Variants in KCNQ1 observed in about 807,000 individuals in gnomAD.
KCNQ1 encodes potassium voltage-gated channel subfamily KQT member 1.
A neutral mutation model predicts 72.4 loss-of-function variants in KCNQ1; 49 were observed. That is an observed-to-expected ratio of 0.68 (90% CI 0.54 to 0.86). The LOEUF (loss-of-function observed/expected upper bound fraction) is 0.86. KCNQ1 is among the 40% of genes least tolerant of loss of function. The pLI, the probability that KCNQ1 is intolerant of heterozygous loss-of-function variation, is 0.00. For missense variants in KCNQ1, 790 were observed against 945.1 expected (o/e 0.84, Z 2.15); for synonymous variants, 450 against 412.6 (o/e 1.09, Z -1.10).
intron 15 of KCNQ1, among the ~76,000 whole-genome samples, chr11:2,819,713 C>A (rs1016930893): frequency 6.6e-6 from 1 of 152,116 alleles, no homozygotes; most frequent in Non-Finnish European, 1.5e-5. Context: ...ATGTCGTCTG[C>A]TTTTTTAGGT....
chr11:2,625,736 AT>A (rs1184655235), intron 10 of KCNQ1: 185 of 397,308 alleles, frequency 4.7e-4, no homozygotes, highest in African/African-American at 3.6e-3. Context: ...CGCCTGGCTA[AT>A]TTTTTGTATT....
intron 15 of KCNQ1, among the ~76,000 whole-genome samples, chr11:2,838,555 G>A (rs758135612): frequency 5.3e-5 from 8 of 152,276 alleles, no homozygotes; most frequent in East Asian, 1.9e-4. Context: ...GTGGACTTCC[G>A]GGGACAGCGA....
rs1262301120 is a variant in KCNQ1 at position 2,499,523 on chromosome 11, CCTG to C, written c.387-28403_387-28401del. Among the ~76,000 whole-genome samples the C allele has an allele frequency of 5.4e-3, 747 of 138,114 alleles. 13 individuals are homozygous for C. Among genetic ancestry groups the C allele is most frequent in the African/African-American group, 0.018 (709 of 39,024 alleles). The allele number at this position is 138,114 out of a possible 152,430, so 90.6% of individuals were successfully genotyped here. On this transcript the variant is annotated intron_variant, in intron 1 of 15. Coordinates refer to ENST00000155840, the MANE Select transcript of KCNQ1 (RefSeq NM_000218.3). ...AAAAGACAGAGTGGTTGAATGGACCCCTGCCCCCACAAAAAAAGACCCAATTAT... is the reference window on the plus strand; with the variant it reads ...AAAAGACAGAGTGGTTGAATGGACCCCCCCCACAAAAAAAGACCCAATTAT...
chr11:2,620,980 T>G lies in KCNQ1; in HGVS notation c.1393+32126T>G, dbSNP rs1564836199. ...TTTGTCTGTTTTTTGCTTTTTTGTT[T>G]GTTTGTTTGTTTTTTGAGAAAGAGT... On this transcript the variant is annotated intron_variant, in intron 10 of 15. Coordinates refer to ENST00000155840, the MANE Select transcript of KCNQ1 (RefSeq NM_000218.3). The surrounding 1 kb of genome is among the most constrained non-coding windows in gnomAD (Gnocchi z 4.5). 2 of 397,896 alleles carry G rather than the reference T, an allele frequency of 5.0e-6. No homozygotes were observed. Among genetic ancestry groups the G allele is most frequent in the Non-Finnish European group, 4.4e-6 (1 of 226,024 alleles). 24.6% of individuals were successfully genotyped at this position (397,896 alleles called of 1,614,324 possible).
At position 2,764,148 on chromosome 11, in the gene KCNQ1, T is replaced by A. The variant is rs1055677524; in HGVS notation, c.1515-4696T>A. ...GAGGAAAGCGTATCACATTTCACTA[T>A]TAAGTATGATGTCTGCTTAGGGTTT... is the stretch of plus-strand genomic sequence containing the variant. On this transcript the variant is annotated intron_variant, in intron 11 of 15. Transcript: ENST00000155840. The surrounding 1 kb of genome is among the most constrained non-coding windows in gnomAD (Gnocchi z 4.8). Among the ~76,000 whole-genome samples the A allele has an allele frequency of 1.3e-5, 2 of 152,178 alleles. No individual in the cohort carries two copies. Among genetic ancestry groups the A allele is most frequent in the African/African-American group, 4.8e-5 (2 of 41,444 alleles).
chr11:2,583,166 C>T (rs1848529335), intron 6 of KCNQ1, among the ~76,000 whole-genome samples: 1 of 152,136 alleles, frequency 6.6e-6, no homozygotes, highest in Non-Finnish European at 1.5e-5. Flanking sequence ...GCCCACGTTC[C>T]CAGCCAGCAG....
At position 2,509,480 on chromosome 11, in the gene KCNQ1, A is replaced by C. The variant is rs552374216; in HGVS notation, c.387-18448A>C. ...GGGGGGTGTTTGGTGTCCTAGGAGG[A>C]GTCTCTGTCCTGAGCAGAGACAGAG... On this transcript the variant is annotated intron_variant, in intron 1 of 15. Transcript: ENST00000155840. This position sits in a 1 kb window ranked among gnomAD's most constrained non-coding sequence, Gnocchi z 6.3. 3.3e-5 allele frequency among the ~76,000 whole-genome samples: 5 copies of C among 152,132 alleles called. No individual in the cohort carries two copies. Among genetic ancestry groups the C allele is most frequent in the Admixed American group, 6.5e-5 (1 of 15,286 alleles).
chr11:2,640,545 C>A lies in KCNQ1; in HGVS notation c.1394-21416C>A, dbSNP rs544132501. The stretch of plus-strand genomic sequence containing the variant: ...AAGCGATCCTTCTGCCTTGGCCCCC[C>A]AAAGCACTGGGATTTCCTTTTTTTT... On this transcript the variant is annotated intron_variant, in intron 10 of 15. Transcript: ENST00000155840. The A allele has an allele frequency of 1.5e-4, 59 of 389,318 alleles. No homozygotes were observed. Among genetic ancestry groups the A allele is most frequent in the African/African-American group, 1.3e-3 (57 of 45,338 alleles). The allele number at this position is 389,318 out of a possible 1,614,324, so 24.1% of individuals were successfully genotyped here.
intron 11 of KCNQ1, among the ~76,000 whole-genome samples, chr11:2,749,521 G>A (rs991925244): frequency 1.4e-5 from 2 of 144,368 alleles, no homozygotes; most frequent in Non-Finnish European, 3.1e-5. Context: ...TAAAAGCACC[G>A]AGGCTTGGCC....
intron 11 of KCNQ1, among the ~76,000 whole-genome samples, chr11:2,744,457 G>A (rs1846105429): frequency 6.6e-6 from 1 of 152,244 alleles, no homozygotes; most frequent in East Asian, 1.9e-4. Context: ...GTGCCTGAGA[G>A]CAGGCATAGC....
Position 2,494,706 on chromosome 11 carries a change from G to C in KCNQ1, c.387-33222G>C, listed in dbSNP as rs1435231944. ...GGATGAAGCCCACTTGATCACCATG[G>C]ATAAGCTTTTTGATGTGCTGCTGGA... On this transcript the variant is annotated intron_variant, in intron 1 of 15. Transcript: ENST00000155840. The surrounding 1 kb of genome is among the most constrained non-coding windows in gnomAD (Gnocchi z 4.6). Among the ~76,000 whole-genome samples, 1 of 152,166 alleles carries C rather than the reference G, an allele frequency of 6.6e-6. No individual in the cohort carries two copies. The highest frequency in any genetic ancestry group is 1.5e-5 in the Non-Finnish European group (1 of 68,024).
At chr11:2,570,925 C>G (rs1312658620) in intron 3 of KCNQ1, among the ~76,000 whole-genome samples, 171 bp downstream of exon 3, 7 of 152,220 alleles carry the variant, frequency 4.6e-5, no homozygotes, top group Non-Finnish European at 1.0e-4. Flanking sequence ...TCAGCAGCCT[C>G]TGCACTCAGA....
rs552131082 is a variant in KCNQ1 at position 2,785,001 on chromosome 11, G to A, written c.1794+6964G>A. Among the ~76,000 whole-genome samples, 2 of 152,076 alleles carry A rather than the reference G, an allele frequency of 1.3e-5. No homozygotes were observed. The highest frequency in any genetic ancestry group is 4.8e-5 in the African/African-American group (2 of 41,578). ...GACAATTTTTACTTCTTTCCAGTCAGATGCCTTTAATTTCTTTGTTTTGCC... is the reference window on the plus strand; with the variant it reads ...GACAATTTTTACTTCTTTCCAGTCAAATGCCTTTAATTTCTTTGTTTTGCC... On this transcript the variant is annotated intron_variant, in intron 15 of 15. Coordinates refer to ENST00000155840, the MANE Select transcript of KCNQ1 (RefSeq NM_000218.3). The surrounding 1 kb of genome is among the most constrained non-coding windows in gnomAD (Gnocchi z 4.4).
At position 2,538,130 on chromosome 11, in the gene KCNQ1, G is replaced by A. The variant is rs992374828; in HGVS notation, c.477+10112G>A. 1.2e-4 allele frequency among the ~76,000 whole-genome samples: 18 copies of A among 152,198 alleles called. No homozygotes were observed. The highest frequency in any genetic ancestry group is 3.6e-4 in the African/African-American group (15 of 41,448). ...TGAGGACCTTCAACTTAGCCAGGGTGTCCGACTCTCAGGACACCGCTGTCC... is the reference window on the plus strand; with the variant it reads ...TGAGGACCTTCAACTTAGCCAGGGTATCCGACTCTCAGGACACCGCTGTCC... On this transcript the variant is annotated intron_variant, in intron 2 of 15. Coordinates refer to ENST00000155840, the MANE Select transcript of KCNQ1 (RefSeq NM_000218.3). This position sits in a 1 kb window ranked among gnomAD's most constrained non-coding sequence, Gnocchi z 6.7.
intron 15 of KCNQ1, 139 bp from the exon 16 acceptor site, chr11:2,847,628 C>T (rs996651894): frequency 1.4e-5 from 11 of 761,774 alleles, no homozygotes; most frequent in Admixed American, 2.1e-5. Context: ...TGCACACGTG[C>T]GTGCCGCCTG....
intron 10 of KCNQ1, chr11:2,656,850 T>C: frequency 1.0e-5 from 4 of 398,670 alleles, no homozygotes; most frequent in Non-Finnish European, 1.8e-5. Flanking sequence ...ATGCTTTTCA[T>C]AGTTAGGTCT....
At chr11:2,820,377 A>T (rs1029733989) in intron 15 of KCNQ1, among the ~76,000 whole-genome samples, 5 of 152,176 alleles carry the variant, frequency 3.3e-5, no homozygotes, top group Non-Finnish European at 7.4e-5. Flanking sequence ...TGCTATTTTT[A>T]TTAATAATTT....
At position 2,493,463 on chromosome 11, in the gene KCNQ1, C is replaced by G. The variant is rs1279908318; in HGVS notation, c.387-34465C>G. Among the ~76,000 whole-genome samples, 1 of 152,146 alleles carries G rather than the reference C, an allele frequency of 6.6e-6. No individual in the cohort carries two copies. The highest frequency in any genetic ancestry group is 1.9e-4 in the East Asian group (1 of 5,198). On this transcript the variant is annotated intron_variant, in intron 1 of 15. Transcript: ENST00000155840. This position sits in a 1 kb window ranked among gnomAD's most constrained non-coding sequence, Gnocchi z 5.3. ...TGAATGGTATTGCCTGGGTATTCTT[C>G]TAGGGTTTCCGTGGTTTTAGGTTTT...
In KCNQ1 at chr11:2,567,856, C is replaced by T. The variant is rs989651938; in HGVS notation, c.478-2772C>T. 2.6e-5 allele frequency among the ~76,000 whole-genome samples: 4 copies of T among 152,254 alleles called. No homozygotes were observed. Among genetic ancestry groups the T allele is most frequent in the Admixed American group, 6.5e-5 (1 of 15,286 alleles). On this transcript the variant is annotated intron_variant, in intron 2 of 15. Coordinates refer to ENST00000155840, the MANE Select transcript of KCNQ1 (RefSeq NM_000218.3). This position sits in a 1 kb window ranked among gnomAD's most constrained non-coding sequence, Gnocchi z 6.6. ...AAAATAACTTTAAAAAGACACGCAG[C>T]TATCCACAGCAATCCTTAATAGTTA...
Sources: gnomAD v4.1 joint callset for allele counts (sites outside exome capture counted in the v4.1 genomes callset) on GRCh38, gnomAD v4.1.1 for gene constraint, Gnocchi (gnomAD v3.1) non-coding constraint, MANE v1.5 for transcripts, NCBI Gene and HGNC (gene_info 2026-07-23, HGNC 2026-07-21) for gene names.